CALD1: variants seen among roughly 807,000 people sequenced by gnomAD.
CALD1 encodes the protein caldesmon 1.
A neutral mutation model predicts 99.9 loss-of-function variants in CALD1; 33 were observed. The ratio of observed to expected loss-of-function variants is 0.33; its 90% CI spans 0.25 to 0.44. The LOEUF (loss-of-function observed/expected upper bound fraction) is 0.44, where lower values mean the gene tolerates loss of function less well. Among genes scored for constraint, CALD1 ranks in the 20% least tolerant of loss-of-function variants. The pLI, the probability that CALD1 is intolerant of heterozygous loss-of-function variation, is 1.00. For synonymous variants in CALD1, 310 were observed against 325.0 expected (o/e 0.95, Z 0.50); for missense variants, 861 against 962.1 (o/e 0.89, Z 1.39).
At chr7:134,765,860 C>G (rs1396812459) in intron 1 of CALD1, among the ~76,000 whole-genome samples, 1 of 152,200 alleles carries the variant, frequency 6.6e-6, no homozygotes, top group Admixed American at 6.5e-5. Flanking sequence ...ATGGATTTCT[C>G]ATGAATGATT....
chr7:134,926,885 C>T (rs1044736878), intron 3 of CALD1, among the ~76,000 whole-genome samples: 10 of 152,166 alleles, frequency 6.6e-5, no homozygotes, highest in African/African-American at 2.4e-4. Flanking sequence ...GTATTGTACA[C>T]TTTAAAATAT....
chr7:134,950,341 CT>C, intron 8 of CALD1, 32 bp from the exon 9 acceptor site: 1 of 1,611,446 alleles, frequency 6.2e-7, no homozygotes, highest in Non-Finnish European at 8.5e-7. Flanking sequence ...GAAGCTGGTA[CT>C]GATGCCTCGT....
intron 1 of CALD1, among the ~76,000 whole-genome samples, chr7:134,813,665 G>C (rs1018921671): frequency 2.6e-5 from 4 of 152,162 alleles, no homozygotes; most frequent in Non-Finnish European, 5.9e-5. Context: ...ACTAGGTTAG[G>C]GAAGCAGGAG....
At chr7:134,869,245 A>C (rs1456525167) in intron 3 of CALD1, among the ~76,000 whole-genome samples, 2 of 152,228 alleles carry the variant, frequency 1.3e-5, no homozygotes, top group African/African-American at 4.8e-5. Context: ...AAAAGTGCAG[A>C]AGTGGAAATA....
At chr7:134,737,791 G>A in the CALD1 span, among the ~76,000 whole-genome samples, 1 of 152,130 alleles carries the variant, frequency 6.6e-6, no homozygotes, top group Non-Finnish European at 1.5e-5. Context: ...TCTGGATGGT[G>A]GAATGTCTCT....
At chr7:134,875,510 G>A (rs905317990) in intron 3 of CALD1, among the ~76,000 whole-genome samples, 2 of 152,180 alleles carry the variant, frequency 1.3e-5, no homozygotes, top group Non-Finnish European at 2.9e-5. Flanking sequence ...GGCAGTGGGC[G>A]CCTGCAATCC....
At chr7:134,960,693 A>G in intron 13 of CALD1, 65 bp downstream of exon 13, 1 of 1,038,944 alleles carries the variant, frequency 9.6e-7, no homozygotes, top group Non-Finnish European at 1.5e-6. Flanking sequence ...GAAGAAAACA[A>G]GCAGTTGGTC....
intron 3 of CALD1, among the ~76,000 whole-genome samples, chr7:134,908,283 A>G (rs1803551282): frequency 6.6e-6 from 1 of 152,328 alleles, no homozygotes; most frequent in African/African-American, 2.4e-5. Flanking sequence ...ACATTTATCT[A>G]TGCAACAATA....
chr7:134,735,608 T>C, the CALD1 span, among the ~76,000 whole-genome samples: 2 of 150,976 alleles, frequency 1.3e-5, no homozygotes, highest in African/African-American at 2.5e-5. Context: ...TGTGTGTGTG[T>C]GTAGCTCTCA....
intron 2 of CALD1, among the ~76,000 whole-genome samples, chr7:134,859,252 A>T (rs924199271): frequency 1.3e-5 from 2 of 152,180 alleles, no homozygotes; most frequent in African/African-American, 4.8e-5. Flanking sequence ...TAATATTGTG[A>T]ATGCCTCTGT....
intron 6 of CALD1, among the ~76,000 whole-genome samples, chr7:134,938,450 G>C (rs893050681): frequency 1.3e-5 from 2 of 152,004 alleles, no homozygotes; most frequent in Non-Finnish European, 2.9e-5. Context: ...ATCCCATTTG[G>C]CCAGAGCCTT....
intron 3 of CALD1, among the ~76,000 whole-genome samples, chr7:134,921,264 C>A (rs960184138): frequency 2.0e-5 from 3 of 152,322 alleles, no homozygotes; most frequent in South Asian, 2.1e-4. Context: ...CCTTTTTATG[C>A]ACTATTGAAT....
At chr7:134,743,977 CA>C (rs1364357899), upstream of CALD1, among the ~76,000 whole-genome samples, 3 of 152,136 alleles carry the variant, frequency 2.0e-5, no homozygotes, top group Non-Finnish European at 4.4e-5. Context: ...GAAAAATAGC[CA>C]ATCAGATTAG....
At chr7:134,893,666 C>T (rs1434227669) in intron 3 of CALD1, among the ~76,000 whole-genome samples, 2 of 152,200 alleles carry the variant, frequency 1.3e-5, no homozygotes, top group South Asian at 2.1e-4. Flanking sequence ...CAAATGCTCC[C>T]TTCCTCTGTA....
chr7:134,770,200 ATAG>A (rs1796866032), intron 1 of CALD1, among the ~76,000 whole-genome samples: 1 of 152,192 alleles, frequency 6.6e-6, no homozygotes, highest in African/African-American at 2.4e-5. Flanking sequence ...GGCCTGGGAA[ATAG>A]TAGCTCTGCT....
At position 134,763,869 on chromosome 7, in the gene CALD1, G is replaced by A. The variant is rs143849763; in HGVS notation, c.-130+19506G>A. On this transcript the variant is annotated intron_variant, in intron 1 of 13. Transcript: ENST00000417172. ...GGAGGCAGAGTTTGCAGTGAGCCGAGATCGTGCCATTGCACTCCAGCCTGG... is the reference window on the plus strand; with the variant it reads ...GGAGGCAGAGTTTGCAGTGAGCCGAAATCGTGCCATTGCACTCCAGCCTGG... Among the ~76,000 whole-genome samples, 789 of 145,616 alleles carry A rather than the reference G, an allele frequency of 5.4e-3. 14 individuals are homozygous for A. Among genetic ancestry groups the A allele is most frequent in the African/African-American group, 0.019 (735 of 38,596 alleles).
At chr7:134,757,055 A>G (rs770588359) in intron 1 of CALD1, among the ~76,000 whole-genome samples, 1 of 151,576 alleles carries the variant, frequency 6.6e-6, no homozygotes, top group Non-Finnish European at 1.5e-5. Flanking sequence ...ACTTGGCATG[A>G]ATTGCTTTCT....
At chr7:134,942,369 G>A (rs562326422) in intron 7 of CALD1, among the ~76,000 whole-genome samples, 9 of 152,140 alleles carry the variant, frequency 5.9e-5, no homozygotes, top group African/African-American at 9.6e-5. Flanking sequence ...GGATAAATAC[G>A]GTTGCCCCAA....
intron 4 of CALD1, among the ~76,000 whole-genome samples, chr7:134,931,887 T>C (rs1805547938): frequency 6.6e-6 from 1 of 152,216 alleles, no homozygotes; most frequent in South Asian, 2.1e-4. Context: ...GTGTATACAT[T>C]AGTTAGGGTA....
Sources: allele counts gnomAD v4.1 joint callset (sites outside exome capture counted in the v4.1 genomes callset), GRCh38; gene constraint gnomAD v4.1.1; transcripts MANE v1.5; gene names NCBI Gene and HGNC (gene_info 2026-07-23, HGNC 2026-07-21).